ALPK2: variants seen among roughly 807,000 people sequenced by gnomAD.
ALPK2 encodes the protein alpha-protein kinase 2.
A neutral mutation model predicts 163.1 loss-of-function variants in ALPK2; 127 were observed. That is an observed-to-expected ratio of 0.78 (90% CI 0.67 to 0.90). The LOEUF (loss-of-function observed/expected upper bound fraction) is 0.90. Among genes scored for constraint, ALPK2 ranks in the 40% least tolerant of loss-of-function variants. The pLI is 0.00. For synonymous variants in ALPK2, 953 were observed against 959.1 expected, an observed-to-expected ratio of 0.99 and a Z score of 0.12; for missense variants, 2,360 against 2,589.6, an observed-to-expected ratio of 0.91 and a Z score of 1.92.
chr18:58,525,809 T>A (rs1471983991), intron 6 of ALPK2, among the ~76,000 whole-genome samples: 1 of 152,016 alleles, frequency 6.6e-6, no homozygotes, highest in Non-Finnish European at 1.5e-5. Flanking sequence ...TGGTCACGAG[T>A]CATTACTTCG....
In ALPK2 at chr18:58,535,217, G is replaced by A. The variant is rs777087443; in HGVS notation, c.4970C>T (p.Ser1657Leu). The A allele has an allele frequency of 6.2e-7, 1 of 1,613,932 alleles. No individual in the cohort carries two copies. Among genetic ancestry groups the A allele is most frequent in the African/African-American group, 1.3e-5 (1 of 74,882 alleles). The change falls in exon 5 of 13, where the codon TCA (serine) becomes TTA (leucine). Residue 1657 changes from serine to leucine, a missense_variant. Ser to Leu is a moderately radical substitution (Grantham distance 145, BLOSUM62 -2). Coordinates refer to ENST00000361673, the MANE Select transcript of ALPK2 (RefSeq NM_052947.4). ...GGCTTTCTCTAACTCACGTTCTCCT[G>A]AAATAAATGCCAAGGTCTTCGCTGA... ...SSSAKTLAFI[S>L]GERELEKAPK... is the part of the protein sequence containing the mutation.
intron 12 of ALPK2, among the ~76,000 whole-genome samples, chr18:58,491,341 G>A (rs574180112): frequency 5.9e-5 from 9 of 152,318 alleles, no homozygotes; most frequent in African/African-American, 2.2e-4. Flanking sequence ...GCCTTTGCAG[G>A]ACTAACAAAT....
rs774748639 is a variant in ALPK2, at chr18:58,537,588, G to C, written c.2599C>G (p.Gln867Glu). 6.2e-7 allele frequency: 1 copy of C among 1,613,828 alleles called. No homozygotes were observed. Among genetic ancestry groups the C allele is most frequent in the Non-Finnish European group, 8.5e-7 (1 of 1,179,778 alleles). ...GTAGACACTGAAGTCTCAGACACTT[G>C]TGTCTGAAAAAAGACTTCCAGTGTC... Reference protein sequence around the residue: ...DKTLEVFFQTQVSETSVSTCK... With the variant: ...DKTLEVFFQTEVSETSVSTCK... The change falls in exon 5 of 13, where the codon CAA becomes GAA. Residue 867 changes from glutamine to glutamate, a missense_variant. Physicochemically the swap from Gln to Glu is conservative, Grantham distance 29. Transcript: ENST00000361673.
intron 5 of ALPK2, among the ~76,000 whole-genome samples, chr18:58,530,636 G>A (rs1040412734): frequency 6.6e-6 from 1 of 152,228 alleles, no homozygotes; most frequent in Non-Finnish European, 1.5e-5. Flanking sequence ...ATTGGAGGAT[G>A]GCGGGAAGGG....
At position 58,580,215 on chromosome 18, in the gene ALPK2, A is replaced by G; in HGVS notation, c.561T>C (p.Ser187=). 1.9e-6 allele frequency: 3 copies of G among 1,614,248 alleles called. No homozygotes were observed. Among genetic ancestry groups the G allele is most frequent in the Non-Finnish European group, 2.5e-6 (3 of 1,180,042 alleles). The change falls in exon 4 of 13, where the codon TCT becomes TCC. Residue 187 remains serine, a synonymous_variant. Transcript: ENST00000361673. ...LGNLDISVSS[S]ENPLGVKGTR... is the part of the protein sequence containing the mutation. Reference sequence around the variant, plus strand: ...TTCCTTTAACACCCAAAGGATTTTCAGAACTGGACACACTAATGTCAAGAT... The same window carrying G: ...TTCCTTTAACACCCAAAGGATTTTCGGAACTGGACACACTAATGTCAAGAT...
At chr18:58,548,607 C>T (rs2051732898) in intron 4 of ALPK2, among the ~76,000 whole-genome samples, 1 of 152,172 alleles carries the variant, frequency 6.6e-6, no homozygotes, top group Non-Finnish European at 1.5e-5. Context: ...AGGCGTGAGT[C>T]ACCGCGCCCA....
intron 3 of ALPK2, among the ~76,000 whole-genome samples, chr18:58,596,380 T>C (rs899599378): frequency 3.3e-5 from 5 of 152,178 alleles, no homozygotes; most frequent in South Asian, 2.1e-4. Context: ...AGGCAGCCAC[T>C]AGCAGGCAGA....
At chr18:58,512,219 T>G (rs1480872963) in intron 10 of ALPK2, 3 of 152,230 alleles carry the variant, frequency 2.0e-5, no homozygotes, top group African/African-American at 4.8e-5. Flanking sequence ...CTCTTATTAA[T>G]TCTGCATCCC....
At chr18:58,496,841 A>T (rs969675474) in intron 12 of ALPK2, among the ~76,000 whole-genome samples, 1 of 152,168 alleles carries the variant, frequency 6.6e-6, no homozygotes, top group African/African-American at 2.4e-5. Context: ...CCTTTCATAT[A>T]TATGCAAACC....
chr18:58,531,411 G>T (rs985895976), intron 5 of ALPK2, among the ~76,000 whole-genome samples: 1 of 151,862 alleles, frequency 6.6e-6, no homozygotes, highest in East Asian at 1.9e-4. Context: ...TGTACCAGCC[G>T]GAAAGCAGTG....
chr18:58,613,706 AAAAATAAT>A (rs1203234144), intron 1 of ALPK2, among the ~76,000 whole-genome samples: 6 of 86,798 alleles, frequency 6.9e-5, no homozygotes, highest in African/African-American at 3.3e-4. Context: ...CTCAAAAAAA[AAAAATAAT>A]AATAATAATA....
At chr18:58,515,644 G>A (rs1218311432) in intron 9 of ALPK2, among the ~76,000 whole-genome samples, 3 of 152,196 alleles carry the variant, frequency 2.0e-5, no homozygotes, top group African/African-American at 7.2e-5. Context: ...GAAAAAAGCA[G>A]AGTGGATTGG....
Position 58,481,641 on chromosome 18 carries a change from C to T in ALPK2, c.*182G>A, listed in dbSNP as rs2051311612. On this transcript the variant is annotated 3_prime_UTR_variant, in exon 13 of 13. Transcript: ENST00000361673. ...CATAAACCTGGTCGCAAATCCTGTT[C>T]TGAAATCATTTGAGTGAAGACAGCA... 6.5e-6 allele frequency: 4 copies of T among 611,284 alleles called. No individual in the cohort carries two copies. Among genetic ancestry groups the T allele is most frequent in the South Asian group, 6.1e-5 (3 of 48,894 alleles). 37.9% of individuals were successfully genotyped at this position (611,284 alleles called of 1,614,324 possible). A position where few individuals can be genotyped will look rare whatever the true frequency, so the allele number is the denominator to read the frequency against.
chr18:58,607,272 A>G, intron 3 of ALPK2, 50 bp downstream of exon 3: 1 of 1,349,858 alleles, frequency 7.4e-7, no homozygotes, highest in Non-Finnish European at 1.0e-6. Flanking sequence ...TCAGCACATG[A>G]CAGAATATAA....
chr18:58,527,683 C>T (rs1568074947), intron 6 of ALPK2, among the ~76,000 whole-genome samples: 1 of 152,192 alleles, frequency 6.6e-6, no homozygotes, highest in Non-Finnish European at 1.5e-5. Flanking sequence ...TTAAGTGAAG[C>T]TCTAGGGAAC....
intron 10 of ALPK2, among the ~76,000 whole-genome samples, chr18:58,506,733 T>C (rs2051463777): frequency 6.6e-6 from 1 of 152,332 alleles, no homozygotes; most frequent in African/African-American, 2.4e-5. Flanking sequence ...TGAATATATA[T>C]GTATGTATAA....
At chr18:58,482,182 A>G (rs2051315158) in intron 12 of ALPK2, 143 bp from the exon 13 acceptor site, 1 of 649,924 alleles carries the variant, frequency 1.5e-6, no homozygotes, top group Non-Finnish European at 2.7e-6. Context: ...TGCAGGATAG[A>G]CACAACTATA....
intron 4 of ALPK2, chr18:58,545,075 C>T (rs143884876): frequency 6.6e-6 from 1 of 152,200 alleles, no homozygotes; most frequent in Non-Finnish European, 1.5e-5. Context: ...CAGCTCTCAT[C>T]TTCCAGTCCT....
chr18:58,579,620 G>A lies in ALPK2; in HGVS notation c.1156C>T (p.Arg386Trp), dbSNP rs142749418. 5.3e-5 allele frequency: 86 copies of A among 1,613,792 alleles called. No individual in the cohort carries two copies. In the East Asian group the frequency reaches 1.2e-3, roughly 23 times the overall value. Residue 386 changes from arginine (R) to tryptophan (W), a missense_variant, in exon 4 of 13, where the codon CGG (arginine) becomes TGG (tryptophan). By Grantham distance (101) the Arg-to-Trp change is moderately radical. Coordinates refer to ENST00000361673, the MANE Select transcript of ALPK2 (RefSeq NM_052947.4). ...HFLSGMGCGS[R>W]VSGDAGPMVA... ...ATAGGCCCAGCGTCACCCGACACCCGAGACCCACAACCCATTCCACTGAGG... is the reference window on the plus strand; with the variant it reads ...ATAGGCCCAGCGTCACCCGACACCCAAGACCCACAACCCATTCCACTGAGG...
Sources: allele counts gnomAD v4.1 joint callset (sites outside exome capture counted in the v4.1 genomes callset), GRCh38; gene constraint gnomAD v4.1.1; transcripts MANE v1.5; gene names NCBI Gene and HGNC (gene_info 2026-07-23, HGNC 2026-07-21).